The following CRPPA variants were observed in gnomAD, a reference collection of about 807,000 sequenced individuals.
CRPPA encodes D-ribitol-5-phosphate cytidylyltransferase.
In CRPPA, 43 loss-of-function variants were observed where a neutral mutation model predicts 52.0. The observed-to-expected ratio is 0.83, with a 90% CI of 0.65 to 1.07. The LOEUF is 1.07. CRPPA is among the 50% of genes least tolerant of loss of function. CRPPA has a pLI of 0.00. For missense variants in CRPPA, 629 were observed against 551.7 expected, an observed-to-expected ratio of 1.14 and a Z score of -1.40; for synonymous variants, 250 against 203.5, an observed-to-expected ratio of 1.23 and a Z score of -1.94.
intron 9 of CRPPA, among the ~76,000 whole-genome samples, chr7:16,198,688 C>T (rs1340244903): frequency 1.4e-5 from 2 of 147,996 alleles, no homozygotes; most frequent in African/African-American, 2.5e-5. Context: ...CCCACCCCTA[C>T]AGGATGACCG....
At chr7:16,257,155 C>G (rs1399431472) in intron 8 of CRPPA, among the ~76,000 whole-genome samples, 1 of 152,078 alleles carries the variant, frequency 6.6e-6, no homozygotes, top group Non-Finnish European at 1.5e-5. Context: ...GTCGAGGAAA[C>G]CAAACCTCAG....
intron 1 of CRPPA, among the ~76,000 whole-genome samples, chr7:16,416,221 A>G (rs1788187427): frequency 6.6e-6 from 1 of 152,210 alleles, no homozygotes; most frequent in Non-Finnish European, 1.5e-5. Flanking sequence ...ATGGAACAGA[A>G]CAGAGAACCC....
At chr7:16,302,899 T>C (rs576042738) in intron 4 of CRPPA, among the ~76,000 whole-genome samples, 1 of 152,292 alleles carries the variant, frequency 6.6e-6, no homozygotes, top group Non-Finnish European at 1.5e-5. Flanking sequence ...CTGATCATGC[T>C]AACAGAACGA....
intron 3 of CRPPA, among the ~76,000 whole-genome samples, chr7:16,337,189 G>T (rs1329432210): frequency 6.6e-6 from 1 of 152,074 alleles, no homozygotes; most frequent in Non-Finnish European, 1.5e-5. Flanking sequence ...AAGTGCACAA[G>T]AACTATTCTC....
chr7:16,172,279 T>C (rs1268324319), intron 9 of CRPPA, among the ~76,000 whole-genome samples: 2 of 152,104 alleles, frequency 1.3e-5, no homozygotes, highest in South Asian at 2.1e-4. Flanking sequence ...TGGGTCTGCA[T>C]CTAGAGGGGA....
chr7:16,147,110 C>T (rs1158173472), intron 9 of CRPPA, among the ~76,000 whole-genome samples: 1 of 152,300 alleles, frequency 6.6e-6, no homozygotes. Context: ...TGCCTGCCTG[C>T]TGCCATGTAA....
chr7:16,183,324 T>A (rs909023711), intron 9 of CRPPA, among the ~76,000 whole-genome samples: 2 of 152,156 alleles, frequency 1.3e-5, no homozygotes, highest in Non-Finnish European at 2.9e-5. Context: ...AGCCCAAGTT[T>A]CTGCTTTCTG....
chr7:16,098,590 A>G (rs912860254), intron 9 of CRPPA, among the ~76,000 whole-genome samples: 4 of 152,236 alleles, frequency 2.6e-5, no homozygotes, highest in African/African-American at 7.2e-5. Context: ...ACATCTAGTC[A>G]TAAATATACA....
At chr7:16,177,946 T>C (rs568186834) in intron 9 of CRPPA, among the ~76,000 whole-genome samples, 1 of 152,138 alleles carries the variant, frequency 6.6e-6, no homozygotes, top group Non-Finnish European at 1.5e-5. Flanking sequence ...TCTATCTTTC[T>C]GTACACCCTC....
At chr7:16,177,871 T>G (rs528302050) in intron 9 of CRPPA, among the ~76,000 whole-genome samples, 1 of 152,212 alleles carries the variant, frequency 6.6e-6, no homozygotes, top group South Asian at 2.1e-4. Context: ...CCTCTGGAAT[T>G]TCTGTGAGCC....
intron 3 of CRPPA, among the ~76,000 whole-genome samples, chr7:16,351,128 GA>G (rs1328750837): frequency 1.3e-5 from 2 of 151,820 alleles, no homozygotes; most frequent in African/African-American, 4.8e-5. Context: ...GAAAGGAAAT[GA>G]ATTGTAACAC....
At chr7:16,170,102 T>G (rs1046356258) in intron 9 of CRPPA, among the ~76,000 whole-genome samples, 3 of 152,170 alleles carry the variant, frequency 2.0e-5, no homozygotes, top group African/African-American at 7.2e-5. Context: ...AAATAAAATA[T>G]AGAAGTATAA....
intron 9 of CRPPA, among the ~76,000 whole-genome samples, chr7:16,184,770 T>C (rs1461192198): frequency 1.3e-5 from 2 of 152,218 alleles, no homozygotes; most frequent in African/African-American, 4.8e-5. Flanking sequence ...TTCCTCCAAA[T>C]GTTTAGGCAG....
chr7:16,203,070 G>A (rs1423272839), intron 9 of CRPPA, among the ~76,000 whole-genome samples: 1 of 151,962 alleles, frequency 6.6e-6, no homozygotes, highest in Admixed American at 6.6e-5. Flanking sequence ...ATATTTTAAG[G>A]GTCTTATCTA....
chr7:16,316,698 A>C (rs1408819902), intron 3 of CRPPA, among the ~76,000 whole-genome samples: 2 of 152,048 alleles, frequency 1.3e-5, no homozygotes, highest in Admixed American at 6.6e-5. Flanking sequence ...TCTACAAAAA[A>C]GGTAAAATAT....
intron 9 of CRPPA, among the ~76,000 whole-genome samples, chr7:16,119,390 A>T (rs186244063): frequency 1.7e-3 from 200 of 119,786 alleles, no homozygotes; most frequent in African/African-American, 5.0e-3. Flanking sequence ...AAAAAAAATT[A>T]AAAAAAATGC....
intron 9 of CRPPA, among the ~76,000 whole-genome samples, chr7:16,111,455 G>C (rs1456989881): frequency 6.6e-6 from 1 of 152,200 alleles, no homozygotes; most frequent in Non-Finnish European, 1.5e-5. Flanking sequence ...GTTTTTCAAA[G>C]AGATGTCTGC....
chr7:16,170,661 G>A (rs371982753), intron 9 of CRPPA, among the ~76,000 whole-genome samples: 106 of 152,320 alleles, frequency 7.0e-4, no homozygotes, highest in African/African-American at 2.1e-3. Flanking sequence ...CACAGGGGGC[G>A]GGGGAGAGAG....
intron 6 of CRPPA, among the ~76,000 whole-genome samples, chr7:16,264,749 A>T (rs994640457): frequency 3.3e-5 from 5 of 152,232 alleles, no homozygotes; most frequent in Admixed American, 3.3e-4. Context: ...CCACTCTGTG[A>T]ACATGCCAAC....
Sources: gnomAD v4.1 joint callset for allele counts (sites outside exome capture counted in the v4.1 genomes callset) on GRCh38, gnomAD v4.1.1 for gene constraint, MANE v1.5 for transcripts, NCBI Gene and HGNC (gene_info 2026-07-23, HGNC 2026-07-21) for gene names.